NAALADL2: variants seen among roughly 807,000 people sequenced by gnomAD.
The protein encoded by NAALADL2 is N-acetylated alpha-linked acidic dipeptidase like 2.
In NAALADL2, 76 loss-of-function variants were observed where a neutral mutation model predicts 87.2. That is an observed-to-expected ratio of 0.87 (90% confidence interval 0.72 to 1.05). The LOEUF is 1.05. Among genes scored for constraint, NAALADL2 ranks in the 50% least tolerant of loss-of-function variants. NAALADL2 has a pLI of 0.00. For missense variants in NAALADL2, 1,089 were observed against 945.8 expected (o/e 1.15, Z -1.99); for synonymous variants, 354 against 331.0 (o/e 1.07, Z -0.75).
intron 1 of NAALADL2, among the ~76,000 whole-genome samples, chr3:174,929,298 A>G (rs1243549684): frequency 6.6e-6 from 1 of 152,214 alleles, no homozygotes; most frequent in African/African-American, 2.4e-5. Flanking sequence ...TGCAGTGAGG[A>G]AAGTGAAATG....
chr3:175,765,076 A>G (rs186898624), intron 13 of NAALADL2, among the ~76,000 whole-genome samples: 71 of 152,262 alleles, frequency 4.7e-4, no homozygotes, highest in African/African-American at 1.7e-3. Flanking sequence ...ATGAAAAAAA[A>G]CAGTGATTAA....
chr3:175,558,151 C>G (rs1424248520), intron 9 of NAALADL2, among the ~76,000 whole-genome samples: 1 of 142,802 alleles, frequency 7.0e-6, no homozygotes, highest in East Asian at 2.1e-4. Context: ...GCTGAGATCA[C>G]GCCACTGCAC....
At chr3:175,630,987 AG>A (rs142226953) in intron 11 of NAALADL2, among the ~76,000 whole-genome samples, 2,685 of 151,706 alleles carry the variant, frequency 0.018, 34 homozygotes, top group Non-Finnish European at 0.029. Context: ...TCCCAATAAA[AG>A]TTTGTATTTG....
At chr3:175,282,125 G>T (rs1277141909) in intron 4 of NAALADL2, among the ~76,000 whole-genome samples, 2 of 151,966 alleles carry the variant, frequency 1.3e-5, no homozygotes, top group Non-Finnish European at 2.9e-5. Flanking sequence ...CTACCAGATA[G>T]TAAAAATTTA....
At chr3:174,540,612 C>G (rs1230237447) in intron 1 of NAALADL2, 1 of 152,198 alleles carries the variant, frequency 6.6e-6, no homozygotes, top group Non-Finnish European at 1.5e-5. Flanking sequence ...ACATTAGAAG[C>G]TGGCTTGTTG....
chr3:175,803,182 T>A lies in NAALADL2; in HGVS notation c.2367T>A (p.Ser789Arg). ...YFKAGLDVFK[S>R]VLDGKN ...AAGCAGGACTTGATGTGTTCAAGAG[T>A]GTCTTGGATGGGAAGAATTGAGAAA... Residue 789 changes from serine (S) to arginine (R), a missense_variant, in exon 14 of 14, where the codon AGT becomes AGA. Physicochemically the swap from Ser to Arg is moderately radical, Grantham distance 110. Transcript: ENST00000454872. 2 of 1,599,356 alleles carry A rather than the reference T, an allele frequency of 1.3e-6. No individual in the cohort carries two copies. Among genetic ancestry groups the A allele is most frequent in the East Asian group, 4.5e-5 (2 of 44,622 alleles).
chr3:174,962,874 T>G (rs62286229), intron 1 of NAALADL2, among the ~76,000 whole-genome samples: 1 of 151,970 alleles, frequency 6.6e-6, no homozygotes, highest in South Asian at 2.1e-4. Context: ...AATGCTATAT[T>G]TCCTTATATA....
intron 11 of NAALADL2, among the ~76,000 whole-genome samples, chr3:175,698,395 A>G (rs560029865): frequency 2.0e-5 from 2 of 102,344 alleles, no homozygotes; most frequent in South Asian, 5.2e-4. Context: ...ATGTATACAT[A>G]TGTATGTGTA....
chr3:174,956,239 T>G (rs1741130607), intron 1 of NAALADL2, among the ~76,000 whole-genome samples: 1 of 152,054 alleles, frequency 6.6e-6, no homozygotes, highest in Admixed American at 6.6e-5. Context: ...CTTTCCACGA[T>G]TAGAAGTAAT....
intron 11 of NAALADL2, chr3:175,718,376 C>G (rs1741695586): frequency 1.3e-6 from 2 of 1,596,760 alleles, no homozygotes; most frequent in Non-Finnish European, 1.7e-6. Context: ...GTCCACCACT[C>G]CATTAGAACT....
At chr3:175,691,242 A>G (rs965082123) in intron 11 of NAALADL2, among the ~76,000 whole-genome samples, 5 of 150,804 alleles carry the variant, frequency 3.3e-5, no homozygotes, top group African/African-American at 9.7e-5. Context: ...CTGTGTGTAT[A>G]TATACACACA....
chr3:175,803,287 C>T lies in NAALADL2; in HGVS notation c.*84C>T. 5 of 905,304 alleles carry T rather than the reference C, an allele frequency of 5.5e-6. No individual in the cohort carries two copies. Among genetic ancestry groups the T allele is most frequent in the Non-Finnish European group, 6.5e-6 (4 of 612,994 alleles). 56.1% of individuals were successfully genotyped at this position (905,304 alleles called of 1,614,324 possible). A position where few individuals can be genotyped will look rare whatever the true frequency, so the allele number is the denominator to read the frequency against. ...TAACCAGATTTTCTGACATTGAAGG[C>T]TTATTTTCCCCAATGGCTTTTTGAC... On this transcript the variant is annotated 3_prime_UTR_variant, in exon 14 of 14. Transcript: ENST00000454872.
chr3:175,275,653 T>C (rs1225057369), intron 4 of NAALADL2, among the ~76,000 whole-genome samples: 1 of 152,116 alleles, frequency 6.6e-6, no homozygotes, highest in African/African-American at 2.4e-5. Context: ...ACTTGTCTTA[T>C]ATGTACCTCT....
rs1040419978 is a variant in NAALADL2, at chr3:175,363,199, T to A, written c.1090+38874T>A. On this transcript the variant is annotated intron_variant, in intron 5 of 13. Transcript: ENST00000454872. ...TTTCCAGGATCTCTTTCTTGAACTC[T>A]GATGTTTAATTTTAAAATAACACTG... Among the ~76,000 whole-genome samples, 4 of 147,698 alleles carry A rather than the reference T, an allele frequency of 2.7e-5. 1 individual carries two copies. Among genetic ancestry groups the A allele is most frequent in the Non-Finnish European group, 6.0e-5 (4 of 66,454 alleles).
intron 1 of NAALADL2, among the ~76,000 whole-genome samples, chr3:175,082,929 CT>C (rs1718165796): frequency 6.6e-6 from 1 of 152,128 alleles, no homozygotes; most frequent in African/African-American, 2.4e-5. Flanking sequence ...GGATAGATTC[CT>C]TTCAAAATGT....
intron 11 of NAALADL2, chr3:175,718,787 C>G: frequency 1.4e-6 from 1 of 738,168 alleles, no homozygotes; most frequent in South Asian, 1.9e-5. Flanking sequence ...ATTAGCCAAG[C>G]ATGGTGACGC....
At chr3:175,467,763 T>A (rs1724301807) in intron 8 of NAALADL2, among the ~76,000 whole-genome samples, 1 of 152,146 alleles carries the variant, frequency 6.6e-6, no homozygotes, top group Non-Finnish European at 1.5e-5. Context: ...GGAACCTGTA[T>A]CCAAATGAAA....
At chr3:174,799,155 G>A (rs1718499140) in intron 3 of NAALADL2, among the ~76,000 whole-genome samples, 1 of 148,764 alleles carries the variant, frequency 6.7e-6, no homozygotes, top group African/African-American at 2.5e-5. Context: ...GGGCGACAGA[G>A]CAAGACTCTG....
At chr3:175,667,125 GAA>G (rs764494608) in intron 11 of NAALADL2, among the ~76,000 whole-genome samples, 57 of 136,128 alleles carry the variant, frequency 4.2e-4, no homozygotes, top group Non-Finnish European at 8.4e-4. Context: ...GAGAGAGAGA[GAA>G]AAAGAAAGAA....
Sources: gnomAD v4.1 joint callset for allele counts (sites outside exome capture counted in the v4.1 genomes callset) on GRCh38, gnomAD v4.1.1 for gene constraint, MANE v1.5 for transcripts, NCBI Gene and HGNC (gene_info 2026-07-23, HGNC 2026-07-21) for gene names.